The following KLF13 variants were observed in gnomAD, a reference collection of about 807,000 sequenced individuals.
KLF13 encodes KLF transcription factor 13.
Under a neutral mutation model 16.7 loss-of-function variants are expected in KLF13, and 8 were observed. That is an observed-to-expected ratio of 0.48 (90% CI 0.28 to 0.87). The LOEUF is 0.87. Among genes scored for constraint, KLF13 ranks in the 40% least tolerant of loss-of-function variants. The pLI, the probability that KLF13 is intolerant of heterozygous loss-of-function variation, is 0.10. For missense variants in KLF13, 447 were observed against 452.2 expected (o/e 0.99, Z 0.10); for synonymous variants, 245 against 208.4 (o/e 1.18, Z -1.51).
upstream of KLF13, among the ~76,000 whole-genome samples, chr15:31,390,552 A>G (rs895237024): frequency 1.3e-5 from 2 of 152,194 alleles, no homozygotes; most frequent in East Asian, 1.9e-4. Context: ...CTGTCAACCA[A>G]TCTTACTCCC....
intron 2 of KLF13, among the ~76,000 whole-genome samples, chr15:31,395,835 T>C (rs961303768): frequency 2.6e-5 from 4 of 152,172 alleles, no homozygotes; most frequent in African/African-American, 7.2e-5. Context: ...CCCCAAAGTA[T>C]GTGGAATTGA....
intron 1 of KLF13, 142 bp downstream of exon 1, chr15:31,327,931 G>T (rs1333922669): frequency 1.4e-5 from 14 of 989,144 alleles, no homozygotes; most frequent in Non-Finnish European, 1.7e-5. Flanking sequence ...TTCCCCTGCC[G>T]CTCCGACCCG....
At chr15:31,424,769 C>G (rs1030962563) in intron 1 of KLF13, among the ~76,000 whole-genome samples, 8 of 151,664 alleles carry the variant, frequency 5.3e-5, no homozygotes, top group Non-Finnish European at 8.8e-5. Context: ...GGAAGTTCAG[C>G]TAGAGGAATT....
At chr15:31,333,155 G>C (rs1213155038) in intron 1 of KLF13, among the ~76,000 whole-genome samples, 1 of 152,206 alleles carries the variant, frequency 6.6e-6, no homozygotes, top group Non-Finnish European at 1.5e-5. Context: ...TTTACATCAA[G>C]CTATCTAATC....
Position 31,372,921 on chromosome 15 carries a change from C to T in KLF13, c.*622C>T, listed in dbSNP as rs2039579438. 2.0e-5 allele frequency: 3 copies of T among 152,416 alleles called. No homozygotes were observed. Among genetic ancestry groups the T allele is most frequent in the African/African-American group, 7.2e-5 (3 of 41,478 alleles). 9.4% of individuals were successfully genotyped at this position (152,416 alleles called of 1,614,324 possible). ...AGCTGTCCCTGGCTGGAGGAGCACT[C>T]CACCTTGGGGATAGTGGAGGGGGCC... On this transcript the variant is annotated 3_prime_UTR_variant, in exon 2 of 2. Transcript: ENST00000307145.
At chr15:31,411,390 T>C (rs2040191119) in intron 1 of KLF13, among the ~76,000 whole-genome samples, 1 of 139,810 alleles carries the variant, frequency 7.2e-6, no homozygotes, top group East Asian at 2.0e-4. Flanking sequence ...TACCAACACA[T>C]TTTTTTTTTC....
At chr15:31,331,253 C>G (rs1389565177) in intron 1 of KLF13, among the ~76,000 whole-genome samples, 5 of 152,212 alleles carry the variant, frequency 3.3e-5, no homozygotes, top group Admixed American at 3.3e-4. Context: ...CAGTGGCGTG[C>G]CCAGCCTTCC....
Position 31,327,537 on chromosome 15 carries a change from G to A in KLF13, c.325G>A (p.Gly109Ser), listed in dbSNP as rs1202438054. The change falls in exon 1 of 2, where the codon GGC becomes AGC. Residue 109 changes from glycine to serine, a missense_variant. Gly to Ser is a moderately conservative substitution (Grantham distance 56). This residue lies in a region of KLF13 where 359 missense variants were observed against 282.8 expected (regional missense o/e 1.27). Transcript: ENST00000307145. ...GCCCGCCCCCGAGCCCACCTCCCCC[G>A]GCGCCGAAGGCGCGGCGGCCGCGCC... ...PPPAPEPTSPGAEGAAAAPPS... is the reference protein window; with the variant it reads ...PPPAPEPTSPSAEGAAAAPPS... The A allele has an allele frequency of 9.2e-7, 1 of 1,089,286 alleles. No individual in the cohort carries two copies. The highest frequency in any genetic ancestry group is 1.7e-5 in the African/African-American group (1 of 58,728). 67.5% of individuals were successfully genotyped at this position (1,089,286 alleles called of 1,614,324 possible).
At position 31,374,188 on chromosome 15, in the gene KLF13, A is replaced by G. The variant is rs992545175; in HGVS notation, c.*1889A>G. On this transcript the variant is annotated 3_prime_UTR_variant, in exon 2 of 2. Transcript: ENST00000307145. ...TCCACAGCAGCTGCTCAGGCACAGT[A>G]TGCCGTCAGGTGCCCGCTTCTTACC... 1.3e-5 allele frequency: 2 copies of G among 152,686 alleles called. No individual in the cohort carries two copies. The highest frequency in any genetic ancestry group is 2.9e-5 in the Non-Finnish European group (2 of 68,216). The allele number at this position is 152,686 out of a possible 1,614,324, so 9.5% of individuals were successfully genotyped here. A position where few individuals can be genotyped will look rare whatever the true frequency, so the allele number is the denominator to read the frequency against.
At chr15:31,380,793 T>C (rs1269916629), downstream of KLF13, among the ~76,000 whole-genome samples, 2 of 152,228 alleles carry the variant, frequency 1.3e-5, no homozygotes, top group African/African-American at 4.8e-5. Context: ...CCTCCACCGT[T>C]ACGCATCAGA....
intron 1 of KLF13, chr15:31,339,806 A>T (rs1425089989): frequency 1.6e-6 from 1 of 620,318 alleles, no homozygotes; most frequent in African/African-American, 1.8e-5. Flanking sequence ...CGCCCAGTGG[A>T]TGTCCTCCCG....
intron 1 of KLF13, among the ~76,000 whole-genome samples, chr15:31,328,198 C>A (rs1320655787): frequency 6.7e-6 from 1 of 150,026 alleles, no homozygotes; most frequent in Non-Finnish European, 1.5e-5. Flanking sequence ...AGGGGACGCT[C>A]TCCGGGGTCC....
intron 1 of KLF13, among the ~76,000 whole-genome samples, chr15:31,428,820 A>AAG (rs1555383799): frequency 4.1e-5 from 3 of 72,658 alleles, no homozygotes; most frequent in African/African-American, 1.9e-4. Flanking sequence ...AAAAAAAAAA[A>AAG]AAAAAGAAAA....
intron 1 of KLF13, among the ~76,000 whole-genome samples, chr15:31,334,103 A>C (rs1207131200): frequency 6.6e-6 from 1 of 152,220 alleles, no homozygotes; most frequent in Non-Finnish European, 1.5e-5. Context: ...GGTTGGGTTC[A>C]GCTTTGGAAG....
chr15:31,431,806 A>T (rs1311463750), intron 1 of KLF13, among the ~76,000 whole-genome samples: 4 of 152,226 alleles, frequency 2.6e-5, no homozygotes, highest in Non-Finnish European at 5.9e-5. Context: ...AAGAAGCCAG[A>T]TCTCAAACCA....
rs1306859689 is a variant in KLF13 at position 31,365,557 on chromosome 15, C to T, written c.578-6453C>T. The stretch of plus-strand genomic sequence containing the variant: ...CTCAACAGGCTTCCCACAGGAGGTT[C>T]GCAGACAGAAAGATCTGCAGTGTGG... On this transcript the variant is annotated intron_variant, in intron 1 of 1. Transcript: ENST00000307145. Among the ~76,000 whole-genome samples, 6 of 145,762 alleles carry T rather than the reference C, an allele frequency of 4.1e-5. No homozygotes were observed. In the South Asian group the frequency reaches 1.3e-3, roughly 31 times the overall value.
upstream of KLF13, among the ~76,000 whole-genome samples, chr15:31,390,254 C>T (rs891377432): frequency 6.6e-6 from 1 of 152,082 alleles, no homozygotes; most frequent in Non-Finnish European, 1.5e-5. Context: ...AGAGTCAATC[C>T]CAGGTCTTTC....
intron 1 of KLF13, among the ~76,000 whole-genome samples, chr15:31,383,728 GTT>G (rs2039757989): frequency 1.3e-5 from 2 of 151,970 alleles, no homozygotes; most frequent in Admixed American, 1.3e-4. Flanking sequence ...GTGAAACCCC[GTT>G]TCTACTAAAA....
At position 31,327,018 on chromosome 15, in the gene KLF13, G is replaced by GC; in HGVS notation, c.-193dup. The GC allele has an allele frequency of 3.5e-6, 1 of 283,146 alleles. No individual in the cohort carries two copies. The highest frequency in any genetic ancestry group is 5.5e-6 in the Non-Finnish European group (1 of 181,174). 17.5% of individuals were successfully genotyped at this position (283,146 alleles called of 1,614,324 possible). On this transcript the variant is annotated 5_prime_UTR_variant, in exon 1 of 2. It removes the in-frame stop codon of an upstream open reading frame in the 5' UTR. Coordinates refer to ENST00000307145, the MANE Select transcript of KLF13 (RefSeq NM_015995.4). Reference sequence around the variant, plus strand: ...CCATGCGCTCACTCTTCGGTGCCCGGCCGGGCCGGCGCCTCGCAGACGCGG... The same window carrying GC: ...CCATGCGCTCACTCTTCGGTGCCCGGCCCGGGCCGGCGCCTCGCAGACGCGG...
Sources: allele counts gnomAD v4.1 joint callset (sites outside exome capture counted in the v4.1 genomes callset), GRCh38; gene constraint gnomAD v4.1.1; regional missense constraint gnomAD v4.1.1; transcripts MANE v1.5; gene names NCBI Gene and HGNC (gene_info 2026-07-23, HGNC 2026-07-21).